TAF3: variants seen among roughly 807,000 people sequenced by gnomAD.
TAF3 encodes the protein transcription initiation factor TFIID subunit 3.
In TAF3, 7 loss-of-function variants were observed where a neutral mutation model predicts 80.6. That is an observed-to-expected ratio of 0.09 (90% CI 0.05 to 0.16). The LOEUF is 0.16. Ranked by LOEUF, TAF3 falls within the 10% of genes least tolerant of loss-of-function variation. The pLI is 1.00. For synonymous variants in TAF3, 444 were observed against 446.1 expected (o/e 1.00, Z 0.06); for missense variants, 921 against 1,140.2 (o/e 0.81, Z 2.77).
chr10:8,012,228 C>T (rs952563768), intron 5 of TAF3, among the ~76,000 whole-genome samples: 10 of 152,014 alleles, frequency 6.6e-5, no homozygotes, highest in South Asian at 6.2e-4. Flanking sequence ...TGAAGAGAGA[C>T]GCTTTGTGGT....
At chr10:7,853,282 A>G (rs1353994866) in intron 2 of TAF3, among the ~76,000 whole-genome samples, 1 of 152,150 alleles carries the variant, frequency 6.6e-6, no homozygotes, top group Non-Finnish European at 1.5e-5. Context: ...TTGGGTGAAA[A>G]TACTATATAA....
intron 2 of TAF3, among the ~76,000 whole-genome samples, chr10:7,827,885 G>C (rs1836759491): frequency 6.6e-6 from 1 of 151,872 alleles, no homozygotes; most frequent in Non-Finnish European, 1.5e-5. Context: ...TGAGCCCAGG[G>C]GTCAAGGCTG....
intron 2 of TAF3, among the ~76,000 whole-genome samples, chr10:7,843,518 T>A (rs1758652): frequency 0.47 from 71,418 of 151,944 alleles, 17,028 homozygotes; most frequent in South Asian, 0.64. Context: ...GAACCCTTAG[T>A]CATATTGAAG....
chr10:7,931,609 G>T (rs1022494440), intron 2 of TAF3, among the ~76,000 whole-genome samples: 3 of 151,954 alleles, frequency 2.0e-5, no homozygotes, highest in African/African-American at 7.3e-5. Flanking sequence ...GCAAGAAAAT[G>T]GTAATTATAC....
intron 2 of TAF3, among the ~76,000 whole-genome samples, chr10:7,919,975 G>A (rs1564363554): frequency 2.6e-5 from 4 of 152,110 alleles, no homozygotes; most frequent in African/African-American, 9.7e-5. Context: ...GCTGGGTGTG[G>A]TGGCTCATGC....
intron 5 of TAF3, among the ~76,000 whole-genome samples, chr10:8,010,597 T>G (rs1035252055): frequency 1.3e-5 from 2 of 152,206 alleles, no homozygotes; most frequent in Non-Finnish European, 2.9e-5. Flanking sequence ...CTCCTGAGTA[T>G]CCAAGCATGA....
At chr10:7,934,596 C>G (rs1033224791) in intron 2 of TAF3, among the ~76,000 whole-genome samples, 2 of 152,122 alleles carry the variant, frequency 1.3e-5, no homozygotes, top group African/African-American at 4.8e-5. Context: ...AAGCACCCGC[C>G]ACCACGCCTG....
intron 2 of TAF3, among the ~76,000 whole-genome samples, chr10:7,842,547 C>A (rs539203496): frequency 6.6e-6 from 1 of 152,010 alleles, no homozygotes; most frequent in African/African-American, 2.4e-5. Flanking sequence ...TAAACAATAA[C>A]CTTAAATTTT....
At chr10:7,961,429 C>T (rs1838188905) in intron 2 of TAF3, among the ~76,000 whole-genome samples, 1 of 152,242 alleles carries the variant, frequency 6.6e-6, no homozygotes, top group South Asian at 2.1e-4. Context: ...CTGTTGGCCT[C>T]ATCCTCGTTG....
At chr10:7,827,779 CA>C (rs71515491) in intron 2 of TAF3, among the ~76,000 whole-genome samples, 1,102 of 94,968 alleles carry the variant, frequency 0.012, 16 homozygotes, top group African/African-American at 0.038. Context: ...GACTCTGTCT[CA>C]AAAAAAAAAA....
chr10:7,916,374 A>T (rs1837712412), intron 2 of TAF3, among the ~76,000 whole-genome samples: 1 of 152,214 alleles, frequency 6.6e-6, no homozygotes, highest in South Asian at 2.1e-4. Context: ...GCTGTAACTC[A>T]TCAGCGTCAC....
At chr10:7,999,392 A>T (rs148794762) in intron 4 of TAF3, among the ~76,000 whole-genome samples, 133 of 151,976 alleles carry the variant, frequency 8.8e-4, no homozygotes, top group African/African-American at 2.8e-3. Context: ...GCAAGACCCA[A>T]AACTACGTAC....
intron 2 of TAF3, among the ~76,000 whole-genome samples, chr10:7,934,191 C>CT (rs1564366179): frequency 1.3e-5 from 2 of 152,030 alleles, no homozygotes; most frequent in South Asian, 2.1e-4. Flanking sequence ...ACTTACTTCA[C>CT]TTTTTTTTAA....
chr10:7,954,730 T>C (rs184433467), intron 2 of TAF3, among the ~76,000 whole-genome samples: 1,472 of 129,334 alleles, frequency 0.011, 90 homozygotes, highest in African/African-American at 0.036. Context: ...ACTCCATAGG[T>C]GAATGAGTGG....
At chr10:7,929,094 C>G (rs190199118) in intron 2 of TAF3, among the ~76,000 whole-genome samples, 38 of 152,128 alleles carry the variant, frequency 2.5e-4, no homozygotes, top group Admixed American at 3.9e-4. Flanking sequence ...TTTTGCCTTC[C>G]AGACTGTTCT....
intron 2 of TAF3, among the ~76,000 whole-genome samples, chr10:7,881,669 A>G (rs552518703): frequency 1.3e-5 from 2 of 152,332 alleles, no homozygotes; most frequent in East Asian, 1.9e-4. Flanking sequence ...TCATGCATTT[A>G]GATGTAATGA....
At chr10:7,920,727 T>A (rs112680096) in intron 2 of TAF3, among the ~76,000 whole-genome samples, 1,671 of 152,302 alleles carry the variant, frequency 0.011, 20 homozygotes, top group Middle Eastern at 0.031. Flanking sequence ...TATGGTTAAA[T>A]CTGAAAAGCT....
rs148746707 is a variant in TAF3, at chr10:7,871,023, G to A, written c.409+46463G>A. On this transcript the variant is annotated intron_variant, in intron 2 of 6. Coordinates refer to ENST00000344293, the MANE Select transcript of TAF3 (RefSeq NM_031923.4). ...TTATTTTTGTATAAGGAAAGACAACGGAAAATTTTTAGTCTAGACATAACA... is the reference window on the plus strand; with the variant it reads ...TTATTTTTGTATAAGGAAAGACAACAGAAAATTTTTAGTCTAGACATAACA... Among the ~76,000 whole-genome samples, 239 of 152,088 alleles carry A rather than the reference G, an allele frequency of 1.6e-3. 4 individuals carry two copies. The South Asian group carries it at 0.02, about 13-fold the overall frequency.
intron 2 of TAF3, among the ~76,000 whole-genome samples, chr10:7,900,250 C>A (rs963731210): frequency 6.6e-6 from 1 of 152,136 alleles, no homozygotes; most frequent in African/African-American, 2.4e-5. Context: ...GTCTTCTATT[C>A]TTTAAAAAAG....
Sources: allele counts gnomAD v4.1 joint callset (sites outside exome capture counted in the v4.1 genomes callset), GRCh38; gene constraint gnomAD v4.1.1; transcripts MANE v1.5; gene names NCBI Gene and HGNC (gene_info 2026-07-23, HGNC 2026-07-21).